SLC25A48: variants seen among roughly 807,000 people sequenced by gnomAD.
SLC25A48 encodes the protein CTC-321K16.1.
Under a neutral mutation model 32.2 loss-of-function variants are expected in SLC25A48, and 29 were observed. The observed-to-expected ratio is 0.90, with a 90% confidence interval of 0.67 to 1.23. The LOEUF (loss-of-function observed/expected upper bound fraction) is 1.23, where lower values mean the gene tolerates loss of function less well. SLC25A48 is among the 50% of genes most tolerant of loss of function. SLC25A48 has a pLI of 0.00. For missense variants in SLC25A48, 399 were observed against 422.7 expected (o/e 0.94, Z 0.49); for synonymous variants, 164 against 172.3 (o/e 0.95, Z 0.38).
At chr5:135,829,410 C>T (rs1758147650) in intron 4 of SLC25A48, among the ~76,000 whole-genome samples, 1 of 152,014 alleles carries the variant, frequency 6.6e-6, no homozygotes, top group Admixed American at 6.6e-5. Flanking sequence ...CAGAGCCAGC[C>T]TCAACCCGCA....
intron 3 of SLC25A48, among the ~76,000 whole-genome samples, chr5:135,652,739 A>G (rs1753146297): frequency 1.3e-5 from 2 of 152,210 alleles, no homozygotes; most frequent in African/African-American, 4.8e-5. Flanking sequence ...ATAGAGTTAC[A>G]TCTCTTACTA....
chr5:135,744,713 A>C (rs1301144195), intron 3 of SLC25A48, among the ~76,000 whole-genome samples: 1 of 152,134 alleles, frequency 6.6e-6, no homozygotes, highest in African/African-American at 2.4e-5. Context: ...CATGGACCCA[A>C]GAATCAAACC....
At chr5:135,589,032 T>C (rs890093577) in intron 1 of SLC25A48, among the ~76,000 whole-genome samples, 6 of 152,184 alleles carry the variant, frequency 3.9e-5, no homozygotes, top group Non-Finnish European at 5.9e-5. Context: ...CATGGAACTT[T>C]CCATCCTTCC....
chr5:135,766,689 A>G (rs1756240816), intron 3 of SLC25A48, among the ~76,000 whole-genome samples: 1 of 149,914 alleles, frequency 6.7e-6, no homozygotes. Context: ...GTGATGTGAT[A>G]TGGTTTGTAA....
intron 2 of SLC25A48, among the ~76,000 whole-genome samples, chr5:135,846,417 C>T (rs1759424019): frequency 6.6e-6 from 1 of 152,166 alleles, no homozygotes. Flanking sequence ...TAGGCTGCCC[C>T]CTCACTACCC....
chr5:135,811,533 T>G (rs143143609), intron 3 of SLC25A48, among the ~76,000 whole-genome samples: 1 of 152,172 alleles, frequency 6.6e-6, no homozygotes, highest in African/African-American at 2.4e-5. Flanking sequence ...ATTGTGTTAT[T>G]GAAAATCACT....
chr5:135,831,058 C>T (rs527912686), upstream of SLC25A48, among the ~76,000 whole-genome samples: 2 of 152,086 alleles, frequency 1.3e-5, no homozygotes, highest in Non-Finnish European at 2.9e-5. Flanking sequence ...AGGTAGGAGT[C>T]GGCTATGAGG....
intron 3 of SLC25A48, among the ~76,000 whole-genome samples, chr5:135,680,495 T>C (rs1031272629): frequency 6.6e-6 from 1 of 152,160 alleles, no homozygotes; most frequent in African/African-American, 2.4e-5. Flanking sequence ...TTTGAAAAAA[T>C]ACCTGAGACT....
chr5:135,849,468 C>A (rs995476878), intron 2 of SLC25A48, among the ~76,000 whole-genome samples: 4 of 152,178 alleles, frequency 2.6e-5, no homozygotes, highest in African/African-American at 9.7e-5. Flanking sequence ...ACCCTCTATG[C>A]CTGTCAGCTC....
At chr5:135,874,237 A>G (rs995964232) in intron 6 of SLC25A48, 83 bp downstream of exon 6, 18 of 1,363,932 alleles carry the variant, frequency 1.3e-5, no homozygotes, top group Non-Finnish European at 1.7e-5. Context: ...GACTATAGAG[A>G]AGGGAATCAG....
intron 3 of SLC25A48, among the ~76,000 whole-genome samples, chr5:135,768,532 C>T (rs909420394): frequency 6.6e-6 from 1 of 151,490 alleles, no homozygotes; most frequent in South Asian, 2.1e-4. Flanking sequence ...TAATATTACT[C>T]TTAATATCGC....
chr5:135,741,559 A>G (rs1009549285), intron 3 of SLC25A48, among the ~76,000 whole-genome samples: 2 of 152,284 alleles, frequency 1.3e-5, no homozygotes, highest in African/African-American at 2.4e-5. Flanking sequence ...GCAATATGGC[A>G]AAACCCCATC....
intron 1 of SLC25A48, among the ~76,000 whole-genome samples, chr5:135,604,770 A>G (rs1751891300): frequency 6.6e-6 from 1 of 152,216 alleles, no homozygotes; most frequent in South Asian, 2.1e-4. Flanking sequence ...CGGAGTCATA[A>G]AAGGTCAGGT....
upstream of SLC25A48, among the ~76,000 whole-genome samples, chr5:135,832,940 G>A (rs182474986): frequency 3.9e-5 from 6 of 152,280 alleles, no homozygotes; most frequent in Non-Finnish European, 7.4e-5. Context: ...GCCCTCTCCC[G>A]AGTGTAGAAT....
At chr5:135,623,265 T>C (rs750061762) in intron 1 of SLC25A48, among the ~76,000 whole-genome samples, 42 of 152,244 alleles carry the variant, frequency 2.8e-4, no homozygotes, top group Non-Finnish European at 5.7e-4. Context: ...ATTCCCTGGC[T>C]AAGCTTTGTC....
chr5:135,590,572 A>G (rs1751497558), intron 1 of SLC25A48, among the ~76,000 whole-genome samples: 1 of 152,108 alleles, frequency 6.6e-6, no homozygotes, highest in Admixed American at 6.5e-5. Context: ...GGTTCCCTTA[A>G]GCTCGGGGCT....
chr5:135,635,827 C>A (rs1752689370), intron 3 of SLC25A48, among the ~76,000 whole-genome samples: 1 of 152,194 alleles, frequency 6.6e-6, no homozygotes, highest in South Asian at 2.1e-4. Flanking sequence ...CGCTAAGTGA[C>A]AGGAAACCCA....
chr5:135,586,174 T>C (rs1299115562), intron 1 of SLC25A48, among the ~76,000 whole-genome samples: 1 of 152,176 alleles, frequency 6.6e-6, no homozygotes, highest in African/African-American at 2.4e-5. Context: ...TCTGGAGTCC[T>C]GCTCTGCACG....
At position 135,834,775 on chromosome 5, in the gene SLC25A48, C is replaced by A; in HGVS notation, c.-73C>A. On this transcript the variant is annotated 5_prime_UTR_variant, in exon 1 of 8. Transcript: ENST00000681962. The stretch of plus-strand genomic sequence containing the variant: ...ACTTCGGTCTTGCGGCGCGCTCGCG[C>A]CCGCGGGCCATGCCCCACTGACTCT... The A allele has an allele frequency of 6.8e-7, 1 of 1,462,856 alleles. No homozygotes were observed. The highest frequency in any genetic ancestry group is 9.1e-7 in the Non-Finnish European group (1 of 1,096,202). 90.6% of individuals were successfully genotyped at this position (1,462,856 alleles called of 1,614,324 possible). A position where few individuals can be genotyped will look rare whatever the true frequency, so the allele number is the denominator to read the frequency against.
Sources: gnomAD v4.1 joint callset for allele counts (sites outside exome capture counted in the v4.1 genomes callset) on GRCh38, gnomAD v4.1.1 for gene constraint, MANE v1.5 for transcripts, NCBI Gene and HGNC (gene_info 2026-07-23, HGNC 2026-07-21) for gene names.